ZNF385D: variants seen among roughly 807,000 people sequenced by gnomAD.
The protein encoded by ZNF385D is zinc finger protein 385D.
ZNF385D carries 15 observed loss-of-function variants against 35.8 expected under a neutral mutation model. The ratio of observed to expected loss-of-function variants is 0.42; its 90% CI spans 0.28 to 0.64. ZNF385D has a LOEUF of 0.64. ZNF385D is among the 30% of genes least tolerant of loss of function. The pLI is 0.23. For missense variants in ZNF385D, 474 were observed against 494.6 expected (o/e 0.96, Z 0.39); for synonymous variants, 212 against 186.8 (o/e 1.13, Z -1.10).
In ZNF385D at chr3:21,849,488, A is replaced by T. The variant is rs182192747; in HGVS notation, c.326-184460T>A. On this transcript the variant is annotated intron_variant, in intron 3 of 5. Transcript: ENST00000494108. ...ATTTTTAATTAAAAGAATAAAATATAAAAGAAAGCTTCTAACATGGGACAT... is the reference window on the plus strand; with the variant it reads ...ATTTTTAATTAAAAGAATAAAATATTAAAGAAAGCTTCTAACATGGGACAT... 2.1e-3 allele frequency among the ~76,000 whole-genome samples: 313 copies of T among 152,194 alleles called. 3 individuals are homozygous for T. The highest frequency in any genetic ancestry group is 7.2e-3 in the African/African-American group (299 of 41,568).
At chr3:22,007,789 T>C (rs919284761) in intron 3 of ZNF385D, among the ~76,000 whole-genome samples, 3 of 150,964 alleles carry the variant, frequency 2.0e-5, no homozygotes, top group African/African-American at 7.3e-5. Flanking sequence ...CAACTGCCTT[T>C]TGATATGATA....
intron 3 of ZNF385D, among the ~76,000 whole-genome samples, chr3:22,065,913 A>G (rs747822245): frequency 9.2e-5 from 14 of 152,200 alleles, no homozygotes; most frequent in Non-Finnish European, 1.9e-4. Context: ...ATCACAGCCC[A>G]ACTAAAATTG....
intron 2 of ZNF385D, among the ~76,000 whole-genome samples, chr3:22,361,648 A>G (rs1186333540): frequency 6.6e-6 from 1 of 151,996 alleles, no homozygotes; most frequent in East Asian, 1.9e-4. Context: ...AATCATTCCA[A>G]TGTATGATAG....
intron 3 of ZNF385D, among the ~76,000 whole-genome samples, chr3:22,154,269 T>C (rs914893626): frequency 6.6e-6 from 1 of 152,190 alleles, no homozygotes; most frequent in Non-Finnish European, 1.5e-5. Context: ...GATATTTTCC[T>C]GGCTAACCTC....
At chr3:22,107,744 T>C (rs1702302413) in intron 3 of ZNF385D, among the ~76,000 whole-genome samples, 1 of 152,128 alleles carries the variant, frequency 6.6e-6, no homozygotes, top group South Asian at 2.1e-4. Context: ...ATGTCAACTG[T>C]ATGTATATAT....
intron 3 of ZNF385D, among the ~76,000 whole-genome samples, chr3:22,125,288 G>C (rs1187999648): frequency 1.3e-5 from 2 of 152,016 alleles, no homozygotes; most frequent in African/African-American, 2.4e-5. Flanking sequence ...CTGTTTTTAA[G>C]TCAGTGGCAT....
chr3:21,544,356 G>A, intron 3 of ZNF385D, among the ~76,000 whole-genome samples: 1 of 151,994 alleles, frequency 6.6e-6, no homozygotes, highest in African/African-American at 2.4e-5. Context: ...TTCCCTTAAA[G>A]TTAAAAATTG....
At chr3:22,000,818 A>T (rs989714181) in intron 3 of ZNF385D, among the ~76,000 whole-genome samples, 45 of 152,130 alleles carry the variant, frequency 3.0e-4, no homozygotes, top group Admixed American at 8.5e-4. Flanking sequence ...AACCTTGAAA[A>T]ATTAAAAATG....
At chr3:21,853,955 A>G (rs1696562229) in intron 3 of ZNF385D, among the ~76,000 whole-genome samples, 1 of 151,908 alleles carries the variant, frequency 6.6e-6, no homozygotes, top group African/African-American at 2.4e-5. Context: ...TTGACGGAAA[A>G]GGAAAATAAT....
chr3:21,608,023 G>GTTTTTTTTTTGTTTTTTT (rs2064545249), intron 2 of ZNF385D, among the ~76,000 whole-genome samples: 23 of 120,216 alleles, frequency 1.9e-4, no homozygotes, highest in South Asian at 8.8e-4. Context: ...TTTTTTTTTT[G>GTTTTTTTTTTGTTTTTTT]TTTTTTTTTT....
In ZNF385D at chr3:21,782,020, C is replaced by T. The variant is rs147453302; in HGVS notation, c.326-116992G>A. The stretch of plus-strand genomic sequence containing the variant: ...CATGGCTTTCCCGCCTCCACTAGGG[C>T]GAGGACTCCTCTGCACCCTATATGC... On this transcript the variant is annotated intron_variant, in intron 3 of 5. Coordinates refer to the ZNF385D transcript ENST00000494108. Among the ~76,000 whole-genome samples the T allele has an allele frequency of 1.8e-3, 274 of 152,162 alleles. 8 individuals are homozygous for T. In the East Asian group the frequency reaches 0.024, roughly 13 times the overall value.
At chr3:22,095,502 G>A (rs1701569888) in intron 3 of ZNF385D, among the ~76,000 whole-genome samples, 1 of 151,770 alleles carries the variant, frequency 6.6e-6, no homozygotes, top group African/African-American at 2.4e-5. Context: ...TCAAGCTATT[G>A]ATCTATCTTC....
At chr3:21,945,957 G>A (rs901167265) in intron 3 of ZNF385D, among the ~76,000 whole-genome samples, 2 of 152,072 alleles carry the variant, frequency 1.3e-5, no homozygotes. Context: ...TAAGAAATCA[G>A]TTCACAGTAA....
intron 3 of ZNF385D, among the ~76,000 whole-genome samples, chr3:21,996,491 G>C (rs1006865242): frequency 6.6e-6 from 1 of 152,024 alleles, no homozygotes; most frequent in Admixed American, 6.6e-5. Context: ...GTCCTTCTTT[G>C]TGGAAGAAAT....
chr3:21,733,588 T>C (rs2069113318), intron 1 of ZNF385D, among the ~76,000 whole-genome samples: 1 of 152,322 alleles, frequency 6.6e-6, no homozygotes, highest in East Asian at 1.9e-4. Flanking sequence ...GCACAAGTTA[T>C]TAATTTTATG....
At chr3:21,690,531 C>T (rs2067246798) in intron 1 of ZNF385D, among the ~76,000 whole-genome samples, 1 of 152,176 alleles carries the variant, frequency 6.6e-6, no homozygotes, top group African/African-American at 2.4e-5. Context: ...TAGTCATCAT[C>T]CTCTGACCTT....
At chr3:22,118,353 A>G (rs1702913355) in intron 3 of ZNF385D, among the ~76,000 whole-genome samples, 1 of 152,108 alleles carries the variant, frequency 6.6e-6, no homozygotes, top group Non-Finnish European at 1.5e-5. Flanking sequence ...AACAAAAAGT[A>G]AGAAATCTTA....
intron 2 of ZNF385D, among the ~76,000 whole-genome samples, chr3:22,255,754 T>C (rs963652688): frequency 1.3e-5 from 2 of 151,770 alleles, no homozygotes; most frequent in Non-Finnish European, 2.9e-5. Context: ...TTTGTATTTA[T>C]TCTCTTGAGA....
rs200469150 is a variant in ZNF385D at position 22,331,358 on chromosome 3, CAATT to C, written c.106+41088_106+41091del. ...TAAAAACATCTTTATAGTTTCTAAG[CAATT>C]AATGTAAATAAATTATAGAAACTCT... On this transcript the variant is annotated intron_variant, in intron 2 of 5. Coordinates refer to the ZNF385D transcript ENST00000494108. Among the ~76,000 whole-genome samples the C allele has an allele frequency of 8.1e-3, 1,238 of 152,006 alleles. 8 individuals are homozygous for C. The highest frequency in any genetic ancestry group is 0.024 in the Middle Eastern group (7 of 294).
Sources: allele counts gnomAD v4.1 joint callset (sites outside exome capture counted in the v4.1 genomes callset), GRCh38; gene constraint gnomAD v4.1.1; transcripts MANE v1.5; gene names NCBI Gene and HGNC (gene_info 2026-07-23, HGNC 2026-07-21).